ANKFY1: variants seen among roughly 807,000 people sequenced by gnomAD.
ANKFY1 encodes ankyrin repeat and FYVE domain containing 1.
A neutral mutation model predicts 128.3 loss-of-function variants in ANKFY1; 47 were observed. That is an observed-to-expected ratio of 0.37 (90% CI 0.29 to 0.47). The LOEUF (loss-of-function observed/expected upper bound fraction) is 0.47. ANKFY1 is among the 20% of genes least tolerant of loss of function. The pLI is 1.00. For synonymous variants in ANKFY1, 553 were observed against 601.6 expected (o/e 0.92, Z 1.18); for missense variants, 1,222 against 1,510.6 (o/e 0.81, Z 3.17).
At chr17:4,227,038 T>C (rs1285160826) in intron 3 of ANKFY1, among the ~76,000 whole-genome samples, 2 of 152,170 alleles carry the variant, frequency 1.3e-5, no homozygotes, top group Non-Finnish European at 2.9e-5. Flanking sequence ...CAAATCTGAA[T>C]AGACCTATAT....
Position 4,178,102 on chromosome 17 carries a change from A to G in ANKFY1, c.2598+755T>C, listed in dbSNP as rs2059441320. ...GAAGAAACGGGAGAGGCCATTTCAC[A>G]CCACCTGAGCAAACGTGAGGTCACC... is the stretch of plus-strand genomic sequence containing the variant. On this transcript the variant is annotated intron_variant, in intron 18 of 24. Coordinates refer to ENST00000341657, the MANE Select transcript of ANKFY1 (RefSeq NM_001330063.2). This position sits in a 1 kb window ranked among gnomAD's most constrained non-coding sequence, Gnocchi z 4.1. 6.6e-6 allele frequency: 1 copy of G among 152,510 alleles called. No individual in the cohort carries two copies. The highest frequency in any genetic ancestry group is 2.4e-5 in the African/African-American group (1 of 41,454). 9.4% of individuals were successfully genotyped at this position (152,510 alleles called of 1,614,324 possible). A position where few individuals can be genotyped will look rare whatever the true frequency, so the allele number is the denominator to read the frequency against.
intron 3 of ANKFY1, among the ~76,000 whole-genome samples, chr17:4,224,414 G>C (rs1299119088): frequency 6.6e-6 from 1 of 151,460 alleles, no homozygotes; most frequent in Non-Finnish European, 1.5e-5. Context: ...AGTAGAGACG[G>C]GGTTTCACTG....
intron 8 of ANKFY1, among the ~76,000 whole-genome samples, chr17:4,197,145 A>C (rs893714585): frequency 1.3e-5 from 2 of 152,088 alleles, no homozygotes; most frequent in Admixed American, 6.6e-5. Context: ...ACAACACACA[A>C]AAAAAACCTC....
chr17:4,167,944 G>T lies in ANKFY1; in HGVS notation c.3378-33C>A. On this transcript the variant is annotated intron_variant, in intron 24 of 24. Transcript: ENST00000341657. The surrounding 1 kb of genome is among the most constrained non-coding windows in gnomAD (Gnocchi z 4.1). ...AGCAAAGAAAGGAAGTATGAGAGGA[G>T]CGCCAACGACAGACTCTGCTTCCTG... 2 of 1,603,208 alleles carry T rather than the reference G, an allele frequency of 1.2e-6. No homozygotes were observed. Among genetic ancestry groups the T allele is most frequent in the African/African-American group, 1.3e-5 (1 of 74,686 alleles).
At chr17:4,258,550 G>A (rs1381777574) in intron 1 of ANKFY1, among the ~76,000 whole-genome samples, 2 of 150,408 alleles carry the variant, frequency 1.3e-5, no homozygotes, top group African/African-American at 4.9e-5. Flanking sequence ...AGTGGAAACA[G>A]CAAAGTTCCT....
At chr17:4,174,752 T>C (rs368640411) in intron 19 of ANKFY1, among the ~76,000 whole-genome samples, 34 of 152,166 alleles carry the variant, frequency 2.2e-4, no homozygotes, top group Middle Eastern at 3.4e-3. Flanking sequence ...AGACAGCAAC[T>C]TGCTGTGTCA....
chr17:4,170,956 C>T (rs548994522), intron 22 of ANKFY1, 95 bp from the exon 23 acceptor site: 115 of 1,568,120 alleles, frequency 7.3e-5, no homozygotes, highest in African/African-American at 2.0e-4. Context: ...CAGAACAGAC[C>T]GCTGGCAGGA....
Position 4,181,454 on chromosome 17 carries a change from G to C in ANKFY1, c.2122-82C>G. ...TTACCAAGTCTGAGCTCTATGTATA[G>C]CATTAAATCCACTTTCAGATAAGAT... On this transcript the variant is annotated intron_variant, in intron 15 of 24. Transcript: ENST00000341657. The surrounding 1 kb of genome is among the most constrained non-coding windows in gnomAD (Gnocchi z 4.9). 3 of 886,680 alleles carry C rather than the reference G, an allele frequency of 3.4e-6. No homozygotes were observed. Among genetic ancestry groups the C allele is most frequent in the Non-Finnish European group, 5.6e-6 (3 of 533,108 alleles). The allele number at this position is 886,680 out of a possible 1,614,324, so 54.9% of individuals were successfully genotyped here.
intron 3 of ANKFY1, among the ~76,000 whole-genome samples, chr17:4,234,107 C>T (rs2060562012): frequency 6.6e-6 from 1 of 152,188 alleles, no homozygotes; most frequent in South Asian, 2.1e-4. Flanking sequence ...TGTACAGTTA[C>T]ACAGAACATG....
intron 7 of ANKFY1, among the ~76,000 whole-genome samples, chr17:4,200,628 T>C (rs917051455): frequency 6.6e-6 from 1 of 152,090 alleles, no homozygotes; most frequent in Admixed American, 6.6e-5. Context: ...CCCATGAGAG[T>C]TGACTATACT....
rs754784105 is a variant in ANKFY1 at position 4,183,842 on chromosome 17, G to T, written c.1768C>A (p.Gln590Lys). ...CATAATGCCAGGCCCAGCACAGTCTGGTCTCGGGAATCTTTGAGGCTGAAG... is the reference window on the plus strand; with the variant it reads ...CATAATGCCAGGCCCAGCACAGTCTTGTCTCGGGAATCTTTGAGGCTGAAG... ...PDFSLKDSRD[Q>K]TVLGLALWTG... Residue 590 changes from glutamine to lysine, a missense_variant, in exon 13 of 25, where the codon CAG (glutamine) becomes AAG (lysine). Physicochemically the swap from Gln to Lys is moderately conservative, Grantham distance 53. Coordinates refer to ENST00000341657, the MANE Select transcript of ANKFY1 (RefSeq NM_001330063.2). 3 of 1,613,768 alleles carry T rather than the reference G, an allele frequency of 1.9e-6. No individual in the cohort carries two copies. The highest frequency in any genetic ancestry group is 2.5e-6 in the Non-Finnish European group (3 of 1,179,606).
At chr17:4,168,148 TTTG>T in intron 24 of ANKFY1, 2 of 410,870 alleles carry the variant, frequency 4.9e-6, no homozygotes, top group South Asian at 8.1e-5. Flanking sequence ...TTTTTTTTTT[TTTG>T]GAAGATCAAG....
At chr17:4,192,777 G>A (rs557855472) in intron 10 of ANKFY1, among the ~76,000 whole-genome samples, 6 of 152,236 alleles carry the variant, frequency 3.9e-5, no homozygotes, top group East Asian at 1.9e-4. Flanking sequence ...TGGCTGGTCC[G>A]GGTGCAGTGG....
At chr17:4,171,172 CAG>C (rs1259845340) in intron 22 of ANKFY1, among the ~76,000 whole-genome samples, 1 of 152,228 alleles carries the variant, frequency 6.6e-6, no homozygotes, top group Non-Finnish European at 1.5e-5. Context: ...GGATTCAACA[CAG>C]AGGGAATCAT....
intron 11 of ANKFY1, among the ~76,000 whole-genome samples, chr17:4,185,933 G>T (rs1280553739): frequency 6.6e-6 from 1 of 152,040 alleles, no homozygotes; most frequent in Non-Finnish European, 1.5e-5. Flanking sequence ...TGGCCTGCTT[G>T]TATCAATCTC....
At chr17:4,219,590 T>C (rs1199388882) in intron 3 of ANKFY1, among the ~76,000 whole-genome samples, 1 of 152,124 alleles carries the variant, frequency 6.6e-6, no homozygotes, top group Non-Finnish European at 1.5e-5. Flanking sequence ...TTACTCTCCT[T>C]TCCAACTAGA....
rs945507540 is a variant in ANKFY1, at chr17:4,178,127, C to G, written c.2598+730G>C. 2.0e-5 allele frequency: 3 copies of G among 152,804 alleles called. No homozygotes were observed. Among genetic ancestry groups the G allele is most frequent in the African/African-American group, 4.8e-5 (2 of 41,466 alleles). The allele number at this position is 152,804 out of a possible 1,614,324, so 9.5% of individuals were successfully genotyped here. On this transcript the variant is annotated intron_variant, in intron 18 of 24. Coordinates refer to ENST00000341657, the MANE Select transcript of ANKFY1 (RefSeq NM_001330063.2). The surrounding 1 kb of genome is among the most constrained non-coding windows in gnomAD (Gnocchi z 4.1). ...ACCACCTGAGCAAACGTGAGGTCAC[C>G]ACCTACGCAATCCAGTCACACTTGT...
At chr17:4,244,145 G>C (rs1038601416) in intron 1 of ANKFY1, among the ~76,000 whole-genome samples, 2 of 152,132 alleles carry the variant, frequency 1.3e-5, no homozygotes, top group Non-Finnish European at 2.9e-5. Context: ...TGGCCAGGCT[G>C]GTCTCAGACT....
At chr17:4,255,878 C>T (rs377656357) in intron 1 of ANKFY1, among the ~76,000 whole-genome samples, 14 of 151,488 alleles carry the variant, frequency 9.2e-5, no homozygotes, top group Non-Finnish European at 1.9e-4. Flanking sequence ...AGTGCAATGG[C>T]GCGATCTCAG....
Sources: allele counts gnomAD v4.1 joint callset (sites outside exome capture counted in the v4.1 genomes callset), GRCh38; gene constraint gnomAD v4.1.1; non-coding constraint Gnocchi (gnomAD v3.1); transcripts MANE v1.5; gene names NCBI Gene and HGNC (gene_info 2026-07-23, HGNC 2026-07-21).